Variants in CLASP2 observed in about 807,000 individuals in gnomAD.
CLASP2 encodes the protein cytoplasmic linker associated protein 2, also known as CLIP-associating protein 2.
In CLASP2, 47 loss-of-function variants were observed where a neutral mutation model predicts 194.4. The ratio of observed to expected loss-of-function variants is 0.24; its 90% CI spans 0.19 to 0.31. The LOEUF is 0.31. Among genes scored for constraint, CLASP2 ranks in the 10% least tolerant of loss-of-function variants. CLASP2 has a pLI of 1.00. For synonymous variants in CLASP2, 619 were observed against 633.5 expected (o/e 0.98, Z 0.34); for missense variants, 1,445 against 1,823.6 (o/e 0.79, Z 3.78).
chr3:33,604,318 T>C lies in CLASP2; in HGVS notation c.1695-109A>G, dbSNP rs541342130. ...TGGAAAGTTGAGAAGTATTTCTTTT[T>C]TCTTTTTTTTTTTTTTTGAGACAGA... On this transcript the variant is annotated intron_variant, in intron 16 of 38. Coordinates refer to ENST00000682230, the MANE Select transcript of CLASP2 (RefSeq NM_001365631.1). The C allele has an allele frequency of 6.1e-5, 47 of 775,180 alleles. 1 individual carries two copies. The Admixed American group carries it at 7.4e-4, about 12-fold the overall frequency. The allele number at this position is 775,180 out of a possible 1,614,324, so 48.0% of individuals were successfully genotyped here. A position where few individuals can be genotyped will look rare whatever the true frequency, so the allele number is the denominator to read the frequency against.
intron 18 of CLASP2, among the ~76,000 whole-genome samples, chr3:33,600,313 C>T (rs1434916394): frequency 6.6e-6 from 1 of 152,074 alleles, no homozygotes; most frequent in Non-Finnish European, 1.5e-5. Context: ...GAAAAATATC[C>T]AGTTTTTTAA....
At chr3:33,673,083 TA>T (rs1314583967) in intron 6 of CLASP2, among the ~76,000 whole-genome samples, 10 of 152,152 alleles carry the variant, frequency 6.6e-5, no homozygotes, top group Admixed American at 3.3e-4. Flanking sequence ...ATTCAGGAAA[TA>T]CAGAGAACGC....
chr3:33,680,587 C>G (rs1391377320), intron 6 of CLASP2, among the ~76,000 whole-genome samples: 1 of 151,496 alleles, frequency 6.6e-6, no homozygotes, highest in East Asian at 1.9e-4. Flanking sequence ...GGCAGGAGAA[C>G]TGCTTGAGCC....
At chr3:33,572,947 A>C (rs1046188310) in intron 25 of CLASP2, among the ~76,000 whole-genome samples, 163 bp downstream of exon 25, 7 of 148,542 alleles carry the variant, frequency 4.7e-5, no homozygotes, top group Non-Finnish European at 1.0e-4. Flanking sequence ...GAAAGTATAG[A>C]TGGTCCTAAA....
intron 6 of CLASP2, among the ~76,000 whole-genome samples, chr3:33,673,207 C>G: frequency 6.6e-6 from 1 of 152,126 alleles, no homozygotes; most frequent in East Asian, 1.9e-4. Flanking sequence ...GTCGGGTTAC[C>G]CACTAAGGGA....
At chr3:33,658,876 T>C (rs1245244696) in intron 7 of CLASP2, 22 of 1,130,238 alleles carry the variant, frequency 1.9e-5, no homozygotes, top group Non-Finnish European at 2.8e-5. Context: ...GTGTCCTTCA[T>C]TCTTTAGGGA....
chr3:33,645,948 A>T (rs1200059384), intron 7 of CLASP2, among the ~76,000 whole-genome samples: 1 of 151,200 alleles, frequency 6.6e-6, no homozygotes, highest in African/African-American at 2.4e-5. Context: ...ACACACACAC[A>T]CACACACACA....
intron 37 of CLASP2, among the ~76,000 whole-genome samples, chr3:33,509,735 G>A (rs558436833): frequency 3.3e-4 from 51 of 152,320 alleles, no homozygotes; most frequent in African/African-American, 1.2e-3. Context: ...TGGATGGAAA[G>A]AGTTCACAAT....
At chr3:33,519,093 T>C (rs1483510093) in intron 34 of CLASP2, among the ~76,000 whole-genome samples, 1 of 152,206 alleles carries the variant, frequency 6.6e-6, no homozygotes, top group Admixed American at 6.5e-5. Flanking sequence ...GGGCCTAGAA[T>C]ACAGTAAGAT....
At chr3:33,592,272 TTG>T in intron 21 of CLASP2, 121 bp downstream of exon 21, 1 of 759,582 alleles carries the variant, frequency 1.3e-6, no homozygotes, top group Non-Finnish European at 2.3e-6. Context: ...AGTATGTGGC[TTG>T]TCTTTTTTTA....
chr3:33,564,581 C>T (rs979080449), intron 27 of CLASP2, among the ~76,000 whole-genome samples: 10 of 152,040 alleles, frequency 6.6e-5, no homozygotes, highest in African/African-American at 1.7e-4. Flanking sequence ...AGAAATTGTA[C>T]TATTTTAAAA....
chr3:33,504,289 G>C (rs543549166), intron 37 of CLASP2: 1 of 152,072 alleles, frequency 6.6e-6, no homozygotes, highest in African/African-American at 2.4e-5. Context: ...AAGATTTATC[G>C]CTATGTTTTC....
At chr3:33,697,157 A>C (rs1429647857) in intron 1 of CLASP2, among the ~76,000 whole-genome samples, 1 of 152,238 alleles carries the variant, frequency 6.6e-6, no homozygotes, top group Non-Finnish European at 1.5e-5. Context: ...ATAGCAATAA[A>C]GCATATTTGG....
At chr3:33,551,497 T>TA (rs2059999924) in intron 29 of CLASP2, 102 bp from the exon 30 acceptor site, 14 of 1,174,184 alleles carry the variant, frequency 1.2e-5, no homozygotes, top group South Asian at 6.7e-5. Flanking sequence ...TTTTTTTTTT[T>TA]ATATACAGAT....
intron 21 of CLASP2, among the ~76,000 whole-genome samples, chr3:33,591,597 T>A (rs1341230798): frequency 1.3e-5 from 2 of 152,152 alleles, no homozygotes; most frequent in African/African-American, 4.8e-5. Context: ...GGCAACAGAG[T>A]AAGACCCCAT....
chr3:33,702,722 T>C (rs1386438443), intron 1 of CLASP2, among the ~76,000 whole-genome samples: 2 of 152,104 alleles, frequency 1.3e-5, no homozygotes, highest in East Asian at 3.9e-4. Flanking sequence ...CTTGTATCCA[T>C]AAGAACTTTT....
intron 30 of CLASP2, among the ~76,000 whole-genome samples, chr3:33,548,240 A>T (rs967187670): frequency 6.6e-6 from 1 of 152,186 alleles, no homozygotes; most frequent in Non-Finnish European, 1.5e-5. Flanking sequence ...TAAGTCTTTA[A>T]ATCAAATACT....
intron 10 of CLASP2, among the ~76,000 whole-genome samples, 166 bp downstream of exon 10, chr3:33,626,822 T>C (rs2154287714): frequency 1.3e-5 from 2 of 152,112 alleles, no homozygotes; most frequent in Non-Finnish European, 2.9e-5. Flanking sequence ...CGATCCTAAA[T>C]CAGAAAATGA....
intron 21 of CLASP2, 67 bp from the exon 22 acceptor site, chr3:33,584,987 A>C: frequency 7.1e-7 from 1 of 1,405,448 alleles, no homozygotes; most frequent in East Asian, 2.4e-5. Flanking sequence ...AAAGGATAAA[A>C]ATTCAAGAAA....
Sources: allele counts gnomAD v4.1 joint callset (sites outside exome capture counted in the v4.1 genomes callset), GRCh38; gene constraint gnomAD v4.1.1; transcripts MANE v1.5; gene names NCBI Gene and HGNC (gene_info 2026-07-23, HGNC 2026-07-21).